GHR: variants seen among roughly 807,000 people sequenced by gnomAD.
The protein encoded by GHR is growth hormone receptor, also known as GH receptor.
In GHR, 35 loss-of-function variants were observed where a neutral mutation model predicts 67.1. The observed-to-expected ratio is 0.52, with a 90% CI of 0.40 to 0.69. The LOEUF (loss-of-function observed/expected upper bound fraction) is 0.69, where lower values mean the gene tolerates loss of function less well. Among genes scored for constraint, GHR ranks in the 30% least tolerant of loss-of-function variants. GHR has a pLI of 0.00. For missense variants in GHR, 792 were observed against 764.6 expected, an observed-to-expected ratio of 1.04 and a Z score of -0.42; for synonymous variants, 272 against 269.1, an observed-to-expected ratio of 1.01 and a Z score of -0.10.
chr5:42,657,504 C>T (rs1338766872), intron 3 of GHR, among the ~76,000 whole-genome samples: 1 of 152,062 alleles, frequency 6.6e-6, no homozygotes, highest in Non-Finnish European at 1.5e-5. Context: ...AAAATGTGGA[C>T]CATGATTTTA....
chr5:42,547,434 C>T (rs1422390997), intron 1 of GHR, among the ~76,000 whole-genome samples: 1 of 152,060 alleles, frequency 6.6e-6, no homozygotes, highest in East Asian at 1.9e-4. Context: ...ACTGTGTGAG[C>T]AGCTACAAGA....
At chr5:42,605,744 T>G (rs2112651336) in intron 2 of GHR, among the ~76,000 whole-genome samples, 1 of 152,362 alleles carries the variant, frequency 6.6e-6, no homozygotes, top group East Asian at 1.9e-4. Context: ...GTGAATTAGC[T>G]GGAAGCTTGG....
At chr5:42,688,710 A>T (rs1325140590) in intron 3 of GHR, among the ~76,000 whole-genome samples, 180 bp from the exon 4 acceptor site, 1 of 152,228 alleles carries the variant, frequency 6.6e-6, no homozygotes, top group Non-Finnish European at 1.5e-5. Context: ...GGCAAGCAAC[A>T]GGCACTAAAA....
chr5:42,635,799 C>A (rs1754149032), intron 3 of GHR, among the ~76,000 whole-genome samples: 2 of 152,146 alleles, frequency 1.3e-5, no homozygotes, highest in Non-Finnish European at 2.9e-5. Context: ...CAGGTCCCTT[C>A]TGGTTGTAAA....
intron 2 of GHR, among the ~76,000 whole-genome samples, chr5:42,596,764 C>T (rs1752091919): frequency 6.6e-6 from 1 of 152,186 alleles, no homozygotes; most frequent in African/African-American, 2.4e-5. Flanking sequence ...TGGGTTAGAA[C>T]TCTTCCAAAG....
chr5:42,525,599 T>C (rs1747673090), intron 1 of GHR, among the ~76,000 whole-genome samples: 1 of 152,202 alleles, frequency 6.6e-6, no homozygotes, highest in Admixed American at 6.5e-5. Flanking sequence ...TTATTGGTTT[T>C]AAAATGTGAA....
Position 42,614,790 on chromosome 5 carries a change from T to C in GHR, c.71-14248T>C, listed in dbSNP as rs559761499. 4.6e-5 allele frequency among the ~76,000 whole-genome samples: 7 copies of C among 152,002 alleles called. No homozygotes were observed. In the South Asian group the frequency reaches 1.2e-3, roughly 27 times the overall value. ...TTTTGTTCCTGCCAAATCTTTTTAC[T>C]CTGTTGGCTCCAGGGAGTTTGAAAG... On this transcript the variant is annotated intron_variant, in intron 2 of 9. Coordinates refer to ENST00000230882, the MANE Select transcript of GHR (RefSeq NM_000163.5).
chr5:42,425,794 A>C (rs1016356295), intron 1 of GHR, among the ~76,000 whole-genome samples: 2 of 152,188 alleles, frequency 1.3e-5, no homozygotes, highest in Non-Finnish European at 2.9e-5. Context: ...TAATCTAAGG[A>C]AAGTTGGTGT....
intron 6 of GHR, among the ~76,000 whole-genome samples, chr5:42,709,937 C>T (rs1236439323): frequency 6.6e-6 from 1 of 151,882 alleles, no homozygotes; most frequent in Non-Finnish European, 1.5e-5. Context: ...AGGACCACAA[C>T]TTGAATCACT....
At chr5:42,572,863 C>T (rs1750410081) in intron 2 of GHR, among the ~76,000 whole-genome samples, 1 of 152,048 alleles carries the variant, frequency 6.6e-6, no homozygotes. Flanking sequence ...ACAGGATTGG[C>T]AGAGAGGTGG....
chr5:42,451,560 G>T (rs1165995293), intron 1 of GHR, among the ~76,000 whole-genome samples: 5 of 151,970 alleles, frequency 3.3e-5, no homozygotes, highest in Admixed American at 3.3e-4. Context: ...AAAGAAATTA[G>T]CCAGGTGTGG....
Position 42,424,085 on chromosome 5 carries a change from A to G in GHR, c.-12+130A>G, listed in dbSNP as rs1260090479. On this transcript the variant is annotated intron_variant, in intron 1 of 9. Coordinates refer to ENST00000230882, the MANE Select transcript of GHR (RefSeq NM_000163.5). This position sits in a 1 kb window ranked among gnomAD's most constrained non-coding sequence, Gnocchi z 4.1. ...TCTGTCTTATATATTTACACGGATAATTTTTTATTCCGGATGACTTGGCTG... is the reference window on the plus strand; with the variant it reads ...TCTGTCTTATATATTTACACGGATAGTTTTTTATTCCGGATGACTTGGCTG... 1 of 160,898 alleles carries G rather than the reference A, an allele frequency of 6.2e-6. No individual in the cohort carries two copies. Among genetic ancestry groups the G allele is most frequent in the Non-Finnish European group, 1.4e-5 (1 of 73,874 alleles). The allele number at this position is 160,898 out of a possible 1,614,324, so 10.0% of individuals were successfully genotyped here.
At position 42,695,023 on chromosome 5, in the gene GHR, T is replaced by G; in HGVS notation, c.373T>G (p.Tyr125Asp). 6.2e-7 allele frequency: 1 copy of G among 1,610,420 alleles called. No homozygotes were observed. The highest frequency in any genetic ancestry group is 1.1e-5 in the South Asian group (1 of 91,002). ...ATCGTTTACCTCCATCTGGATACCTTATTGTATCAAGCTAACTAGCAATGG... is the reference window on the plus strand; with the variant it reads ...ATCGTTTACCTCCATCTGGATACCTGATTGTATCAAGCTAACTAGCAATGG... ...NSSFTSIWIPYCIKLTSNGGT... is the reference protein window; with the variant it reads ...NSSFTSIWIPDCIKLTSNGGT... Residue 125 changes from tyrosine to aspartate, a missense_variant, in exon 5 of 10, where the codon TAT (tyrosine) becomes GAT (aspartate). Physicochemically the swap from Tyr to Asp is radical, Grantham distance 160. Coordinates refer to ENST00000230882, the MANE Select transcript of GHR (RefSeq NM_000163.5).
chr5:42,716,590 T>C (rs923677974), intron 8 of GHR, among the ~76,000 whole-genome samples: 134 of 152,316 alleles, frequency 8.8e-4, no homozygotes, highest in African/African-American at 3.0e-3. Flanking sequence ...TAGTGACCCA[T>C]AGTTTAGTGC....
At chr5:42,621,266 A>G (rs1753430315) in intron 2 of GHR, among the ~76,000 whole-genome samples, 1 of 152,058 alleles carries the variant, frequency 6.6e-6, no homozygotes, top group Non-Finnish European at 1.5e-5. Flanking sequence ...CAGCATTCAT[A>G]TTGCCTGTTC....
intron 3 of GHR, among the ~76,000 whole-genome samples, chr5:42,681,189 A>G (rs1274106177): frequency 6.6e-6 from 1 of 152,094 alleles, no homozygotes; most frequent in African/African-American, 2.4e-5. Flanking sequence ...ACAGAATGGG[A>G]GAAAATTTTT....
At chr5:42,643,829 T>G (rs1754598697) in intron 3 of GHR, among the ~76,000 whole-genome samples, 1 of 152,126 alleles carries the variant, frequency 6.6e-6, no homozygotes, top group Admixed American at 6.5e-5. Context: ...AGTATATGAT[T>G]CATCCAGAGA....
At chr5:42,529,658 G>A (rs1038183140) in intron 1 of GHR, among the ~76,000 whole-genome samples, 3 of 152,054 alleles carry the variant, frequency 2.0e-5, no homozygotes, top group African/African-American at 4.8e-5. Flanking sequence ...GCCCTATCAC[G>A]GACACAGCTT....
chr5:42,460,320 GTTAC>G (rs1477429315), intron 1 of GHR, among the ~76,000 whole-genome samples: 15 of 152,130 alleles, frequency 9.9e-5, no homozygotes, highest in Non-Finnish European at 4.4e-5. Context: ...ATGTAAGCAG[GTTAC>G]TTAAATTTAC....
Sources: gnomAD v4.1 joint callset for allele counts (sites outside exome capture counted in the v4.1 genomes callset) on GRCh38, gnomAD v4.1.1 for gene constraint, Gnocchi (gnomAD v3.1) non-coding constraint, MANE v1.5 for transcripts, NCBI Gene and HGNC (gene_info 2026-07-23, HGNC 2026-07-21) for gene names.